The following PTPRK variants were observed in gnomAD, a reference collection of about 807,000 sequenced individuals.
The protein encoded by PTPRK is protein tyrosine phosphatase receptor type K.
In PTPRK, 75 loss-of-function variants were observed where a neutral mutation model predicts 178.0. The observed-to-expected ratio is 0.42, with a 90% CI of 0.35 to 0.51. The LOEUF (loss-of-function observed/expected upper bound fraction) is 0.51, where lower values mean the gene tolerates loss of function less well. Ranked by LOEUF, PTPRK falls within the 20% of genes least tolerant of loss-of-function variation. The probability of loss-of-function intolerance (pLI) is 0.02; values close to 1 mark genes in which losing one functional copy is unlikely to be tolerated. For missense variants in PTPRK, 1,441 were observed against 1,797.8 expected (o/e 0.80, Z 3.59); for synonymous variants, 637 against 620.6 (o/e 1.03, Z -0.39).
At chr6:128,229,512 A>T (rs1394288549) in intron 5 of PTPRK, among the ~76,000 whole-genome samples, 2 of 152,162 alleles carry the variant, frequency 1.3e-5, no homozygotes, top group Non-Finnish European at 2.9e-5. Flanking sequence ...CTGCATCGTT[A>T]TCTTGAAATA....
At chr6:128,453,360 G>A (rs1489070109) in intron 1 of PTPRK, among the ~76,000 whole-genome samples, 1 of 152,126 alleles carries the variant, frequency 6.6e-6, no homozygotes, top group Non-Finnish European at 1.5e-5. Flanking sequence ...CCCTTTGCTG[G>A]ACCCATAACT....
intron 24 of PTPRK, 117 bp from the exon 25 acceptor site, chr6:127,981,406 G>T: frequency 1.2e-6 from 1 of 859,672 alleles, no homozygotes; most frequent in Non-Finnish European, 1.7e-6. Flanking sequence ...GCGAGGCAAT[G>T]GCATTTGCTA....
intron 7 of PTPRK, among the ~76,000 whole-genome samples, chr6:128,143,896 A>C (rs1374732230): frequency 6.6e-6 from 1 of 152,212 alleles, no homozygotes; most frequent in Non-Finnish European, 1.5e-5. Flanking sequence ...CAACAATGAC[A>C]AACGTATAAC....
chr6:128,234,842 G>A (rs1218883226), intron 5 of PTPRK, among the ~76,000 whole-genome samples: 2 of 152,136 alleles, frequency 1.3e-5, no homozygotes, highest in Non-Finnish European at 2.9e-5. Context: ...CAAATACTTA[G>A]GAATGGAACT....
chr6:128,089,087 G>A (rs996232981), intron 8 of PTPRK, among the ~76,000 whole-genome samples: 2 of 152,016 alleles, frequency 1.3e-5, no homozygotes, highest in Admixed American at 6.6e-5. Context: ...TTGACCTCCC[G>A]AATAGCTGAG....
chr6:128,120,805 G>A (rs769201640), intron 7 of PTPRK, among the ~76,000 whole-genome samples: 1 of 151,740 alleles, frequency 6.6e-6, no homozygotes, highest in African/African-American at 2.4e-5. Flanking sequence ...GGAATATAAC[G>A]CTAAAGTAAA....
intron 7 of PTPRK, among the ~76,000 whole-genome samples, chr6:128,118,204 T>C (rs1307826091): frequency 3.9e-5 from 6 of 152,214 alleles, no homozygotes; most frequent in Non-Finnish European, 5.9e-5. Context: ...TCAGAGTTTT[T>C]GGTGAAGGGA....
intron 1 of PTPRK, among the ~76,000 whole-genome samples, chr6:128,517,348 T>A (rs1371885492): frequency 6.6e-6 from 1 of 152,200 alleles, no homozygotes; most frequent in Non-Finnish European, 1.5e-5. Flanking sequence ...CCAAGTCACC[T>A]TACCTGCATC....
chr6:128,100,378 CTT>C (rs1431872032), intron 7 of PTPRK, among the ~76,000 whole-genome samples: 1 of 151,802 alleles, frequency 6.6e-6, no homozygotes, highest in Non-Finnish European at 1.5e-5. Flanking sequence ...TAGGAAATAA[CTT>C]AGGGACTATT....
In PTPRK at chr6:128,464,661, A is replaced by ATG. The variant is rs1308331058; in HGVS notation, c.100+55597_100+55598insCA. The stretch of plus-strand genomic sequence containing the variant: ...CACATATATATATATATATATATAT[A>ATG]TATATATATATATACAACAGATGGT... On this transcript the variant is annotated intron_variant, in intron 1 of 29. Transcript: ENST00000368226. Among the ~76,000 whole-genome samples the ATG allele has an allele frequency of 1.6e-3, 184 of 113,440 alleles. 2 individuals carry two copies. The highest frequency in any genetic ancestry group is 6.4e-3 in the African/African-American group (167 of 26,026). 74.4% of individuals were successfully genotyped at this position (113,440 alleles called of 152,430 possible).
At chr6:128,230,937 T>G (rs1273767028) in intron 5 of PTPRK, 1 of 152,228 alleles carries the variant, frequency 6.6e-6, no homozygotes, top group Non-Finnish European at 1.5e-5. Flanking sequence ...TTATGTAATC[T>G]GTAAACATTA....
intron 13 of PTPRK, among the ~76,000 whole-genome samples, chr6:128,031,791 A>C (rs962499437): frequency 1.3e-5 from 2 of 151,832 alleles, no homozygotes; most frequent in Non-Finnish European, 2.9e-5. Flanking sequence ...TTTAAAGAAC[A>C]CCAAAAGTTA....
chr6:128,143,180 T>C (rs1796020977), intron 7 of PTPRK, among the ~76,000 whole-genome samples: 2 of 152,000 alleles, frequency 1.3e-5, no homozygotes, highest in African/African-American at 2.4e-5. Context: ...AAGATTGACA[T>C]TGAACTACAA....
intron 1 of PTPRK, among the ~76,000 whole-genome samples, chr6:128,512,774 A>G (rs1291696232): frequency 2.0e-5 from 3 of 152,204 alleles, no homozygotes; most frequent in Non-Finnish European, 4.4e-5. Context: ...AAAAGATAAT[A>G]AAAAGAACAC....
chr6:128,490,944 C>T (rs1853674966), intron 1 of PTPRK, among the ~76,000 whole-genome samples: 1 of 152,132 alleles, frequency 6.6e-6, no homozygotes, highest in Non-Finnish European at 1.5e-5. Flanking sequence ...GATTAGGGCC[C>T]ACTCTTATGA....
chr6:128,343,592 AAAAT>A (rs919068945), intron 2 of PTPRK, among the ~76,000 whole-genome samples: 3 of 152,118 alleles, frequency 2.0e-5, no homozygotes, highest in African/African-American at 7.2e-5. Flanking sequence ...GACAAAAAAT[AAAAT>A]AAAGAACTAG....
intron 6 of PTPRK, among the ~76,000 whole-genome samples, chr6:128,217,081 T>C (rs1809454580): frequency 6.6e-6 from 1 of 152,164 alleles, no homozygotes; most frequent in African/African-American, 2.4e-5. Flanking sequence ...CCTGTAGCCA[T>C]AGCATATTAA....
At chr6:127,980,171 A>T (rs1775134661) in intron 25 of PTPRK, among the ~76,000 whole-genome samples, 1 of 152,198 alleles carries the variant, frequency 6.6e-6, no homozygotes, top group Non-Finnish European at 1.5e-5. Flanking sequence ...TTAGCCGTGC[A>T]TGGTGGTGCA....
intron 3 of PTPRK, among the ~76,000 whole-genome samples, chr6:128,315,454 G>A (rs1225462342): frequency 6.6e-6 from 1 of 152,054 alleles, no homozygotes; most frequent in Non-Finnish European, 1.5e-5. Flanking sequence ...CCAGTGGTGT[G>A]TGCAATGATT....
Sources: allele counts gnomAD v4.1 joint callset (sites outside exome capture counted in the v4.1 genomes callset), GRCh38; gene constraint gnomAD v4.1.1; transcripts MANE v1.5; gene names NCBI Gene and HGNC (gene_info 2026-07-23, HGNC 2026-07-21).